The following CCDC73 variants were observed in gnomAD, a reference collection of about 807,000 sequenced individuals.
CCDC73 encodes the protein coiled-coil domain-containing protein 73.
Under a neutral mutation model 116.5 loss-of-function variants are expected in CCDC73, and 95 were observed. The observed-to-expected ratio is 0.82, with a 90% CI of 0.69 to 0.97. The LOEUF is 0.97. Ranked by LOEUF, CCDC73 falls within the 50% of genes least tolerant of loss-of-function variation. CCDC73 has a pLI of 0.00. For missense variants in CCDC73, 1,066 were observed against 1,206.8 expected (o/e 0.88, Z 1.73); for synonymous variants, 398 against 401.3 (o/e 0.99, Z 0.10).
At chr11:32,725,310 T>C (rs938544221) in intron 2 of CCDC73, among the ~76,000 whole-genome samples, 2 of 152,184 alleles carry the variant, frequency 1.3e-5, no homozygotes, top group Non-Finnish European at 2.9e-5. Context: ...TTTTTAGCTG[T>C]TGTTAACTTC....
At chr11:32,763,698 T>A (rs1177009854) in intron 1 of CCDC73, among the ~76,000 whole-genome samples, 1 of 152,118 alleles carries the variant, frequency 6.6e-6, no homozygotes, top group Non-Finnish European at 1.5e-5. Context: ...ATTCTAAAAA[T>A]CAGAGCACCT....
chr11:32,758,957 A>G (rs949535377), intron 2 of CCDC73, among the ~76,000 whole-genome samples: 1 of 152,120 alleles, frequency 6.6e-6, no homozygotes, highest in African/African-American at 2.4e-5. Context: ...TGGTATTTAA[A>G]TTTTGTTATT....
chr11:32,726,517 A>T (rs1440625157), intron 2 of CCDC73, among the ~76,000 whole-genome samples: 1 of 152,186 alleles, frequency 6.6e-6, no homozygotes, highest in Non-Finnish European at 1.5e-5. Context: ...GAGAGAAAAA[A>T]GTATGGAAAA....
At chr11:32,813,776 A>G in the CCDC73 span, among the ~76,000 whole-genome samples, 1 of 152,226 alleles carries the variant, frequency 6.6e-6, no homozygotes, top group Non-Finnish European at 1.5e-5. Context: ...TTAGTCTAAT[A>G]TCACACCATC....
At chr11:32,821,944 T>A in the CCDC73 span, among the ~76,000 whole-genome samples, 1 of 152,196 alleles carries the variant, frequency 6.6e-6, no homozygotes, top group Non-Finnish European at 1.5e-5. Context: ...GTGGACAGGA[T>A]GGGCAACGGC....
intron 1 of CCDC73, among the ~76,000 whole-genome samples, chr11:32,789,412 T>C (rs1419982156): frequency 6.6e-6 from 1 of 152,188 alleles, no homozygotes; most frequent in Admixed American, 6.5e-5. Context: ...AAAAATGTAT[T>C]CGTTCATTTA....
rs1355697973 is a variant in CCDC73 at position 32,630,345 on chromosome 11, T to C, written c.1185+5351A>G. Among the ~76,000 whole-genome samples the C allele has an allele frequency of 3.3e-5, 5 of 152,180 alleles. No individual in the cohort carries two copies. The South Asian group carries it at 1.0e-3, about 32-fold the overall frequency. ...TTTGTTTGTTTTGTTTTGTTTTGTT[T>C]TGCGGGGAAGGGAGAGGGAGATGGA... On this transcript the variant is annotated intron_variant, in intron 14 of 17. Transcript: ENST00000335185.
chr11:32,664,592 G>A (rs1175931958), intron 9 of CCDC73, among the ~76,000 whole-genome samples: 1 of 151,988 alleles, frequency 6.6e-6, no homozygotes, highest in African/African-American at 2.4e-5. Flanking sequence ...AGGCTTGCTG[G>A]GGTCTATCAA....
rs2087086 is a variant in CCDC73, at chr11:32,655,990, C to T, written c.646-1018G>A. Among the ~76,000 whole-genome samples the T allele has an allele frequency of 3.9e-5, 6 of 152,174 alleles. No homozygotes were observed. In the South Asian group the frequency reaches 1.0e-3, roughly 26 times the overall value. ...TACTCAAGAATCTGATTTTCGGTCT[C>T]GGCTACACAGTATCTGAACTCCCTT... On this transcript the variant is annotated intron_variant, in intron 9 of 17. Transcript: ENST00000335185.
Position 32,777,802 on chromosome 11 carries a change from T to C in CCDC73, c.-16+16811A>G, listed in dbSNP as rs148096778. Reference sequence around the variant, plus strand: ...GTGGTGATTTAAGAAGTTTGCTACATTTGTATTTGTGATTTTTATTAATAA... The same window carrying C: ...GTGGTGATTTAAGAAGTTTGCTACACTTGTATTTGTGATTTTTATTAATAA... On this transcript the variant is annotated intron_variant, in intron 1 of 17. Coordinates refer to ENST00000335185, the MANE Select transcript of CCDC73 (RefSeq NM_001008391.4). Among the ~76,000 whole-genome samples the C allele has an allele frequency of 1.0e-2, 1,518 of 152,236 alleles. 28 individuals are homozygous for C. The highest frequency in any genetic ancestry group is 0.035 in the African/African-American group (1,436 of 41,544).
chr11:32,754,878 CTTT>C lies in CCDC73; in HGVS notation c.135+5228_135+5230del, dbSNP rs34982926. ...CAGAGTACACAGAAGATGGCTTCAA[CTTT>C]TTTTTTTTTTTTTTTTTTTTTTCTG... On this transcript the variant is annotated intron_variant, in intron 2 of 17. Coordinates refer to ENST00000335185, the MANE Select transcript of CCDC73 (RefSeq NM_001008391.4). 1.3e-4 allele frequency among the ~76,000 whole-genome samples: 11 copies of C among 86,558 alleles called. No homozygotes were observed. In the South Asian group the frequency reaches 1.7e-3, roughly 13 times the overall value. 56.8% of individuals were successfully genotyped at this position (86,558 alleles called of 152,430 possible). A position where few individuals can be genotyped will look rare whatever the true frequency, so the allele number is the denominator to read the frequency against.
intron 13 of CCDC73, among the ~76,000 whole-genome samples, chr11:32,638,719 C>T (rs572934406): frequency 2.9e-4 from 44 of 152,160 alleles, no homozygotes; most frequent in African/African-American, 9.9e-4. Flanking sequence ...CCTCGTGATC[C>T]GCCCACCTCA....
At chr11:32,826,645 T>TA in the CCDC73 span, among the ~76,000 whole-genome samples, 1 of 73,198 alleles carries the variant, frequency 1.4e-5, no homozygotes, top group African/African-American at 6.0e-5. Flanking sequence ...TGATAATAAC[T>TA]CAAAAAAAAA....
the CCDC73 span, among the ~76,000 whole-genome samples, chr11:32,800,631 T>C: frequency 6.6e-6 from 1 of 152,186 alleles, no homozygotes; most frequent in South Asian, 2.1e-4. Flanking sequence ...TTTACTTATG[T>C]TAATGATGGC....
At chr11:32,764,917 A>G (rs1275311200) in intron 1 of CCDC73, among the ~76,000 whole-genome samples, 2 of 152,198 alleles carry the variant, frequency 1.3e-5, no homozygotes, top group South Asian at 2.1e-4. Context: ...GGATGGAGGA[A>G]GATCTACCAA....
intron 13 of CCDC73, among the ~76,000 whole-genome samples, chr11:32,637,017 CTTTTTTTTT>C (rs71063750): frequency 2.3e-5 from 2 of 87,940 alleles, no homozygotes; most frequent in East Asian, 2.6e-4. Context: ...TTTTCTTTTT[CTTTTTTTTT>C]TTTTTTTTTT....
intron 17 of CCDC73, chr11:32,606,173 A>G (rs1312892789): frequency 6.6e-6 from 1 of 152,238 alleles, no homozygotes; most frequent in African/African-American, 2.4e-5. Flanking sequence ...GAGAAAGTGG[A>G]TTGGTACTTA....
At chr11:32,638,593 C>T (rs1855702639) in intron 13 of CCDC73, among the ~76,000 whole-genome samples, 1 of 152,050 alleles carries the variant, frequency 6.6e-6, no homozygotes, top group Non-Finnish European at 1.5e-5. Context: ...ATTCTCCTGC[C>T]TCAGCCTCCC....
At chr11:32,721,633 G>A (rs1026368503) in intron 2 of CCDC73, among the ~76,000 whole-genome samples, 5 of 143,080 alleles carry the variant, frequency 3.5e-5, no homozygotes, top group Non-Finnish European at 7.5e-5. Context: ...TTGCTCTGTC[G>A]CCCAGGCTGG....
Sources: gnomAD v4.1 joint callset for allele counts (sites outside exome capture counted in the v4.1 genomes callset) on GRCh38, gnomAD v4.1.1 for gene constraint, MANE v1.5 for transcripts, NCBI Gene and HGNC (gene_info 2026-07-23, HGNC 2026-07-21) for gene names.